Variants in CDH18 observed in about 807,000 individuals in gnomAD.
CDH18 encodes cadherin-18.
A neutral mutation model predicts 67.9 loss-of-function variants in CDH18; 31 were observed. The observed-to-expected ratio is 0.46, with a 90% CI of 0.34 to 0.62. The LOEUF (loss-of-function observed/expected upper bound fraction) is 0.62, where lower values mean the gene tolerates loss of function less well. Among genes scored for constraint, CDH18 ranks in the 20% least tolerant of loss-of-function variants. CDH18 has a pLI of 0.01. For missense variants in CDH18, 890 were observed against 975.5 expected, an observed-to-expected ratio of 0.91 and a Z score of 1.17; for synonymous variants, 362 against 347.2, an observed-to-expected ratio of 1.04 and a Z score of -0.48.
chr5:19,850,833 T>G (rs1399887859), intron 2 of CDH18, among the ~76,000 whole-genome samples: 2 of 151,946 alleles, frequency 1.3e-5, no homozygotes, highest in Admixed American at 6.6e-5. Flanking sequence ...TTTTACTATC[T>G]GAGAACTCAT....
chr5:20,412,458 A>T (rs369059193), intron 1 of CDH18, among the ~76,000 whole-genome samples: 1 of 152,234 alleles, frequency 6.6e-6, no homozygotes, highest in African/African-American at 2.4e-5. Flanking sequence ...AATAATTTGT[A>T]ACTAAAACCT....
chr5:20,021,389 C>A (rs117404479), intron 2 of CDH18, among the ~76,000 whole-genome samples: 1 of 151,860 alleles, frequency 6.6e-6, no homozygotes, highest in Admixed American at 6.6e-5. Flanking sequence ...TTGAGAGGGG[C>A]TAGAGGAGGA....
chr5:19,548,125 T>C (rs1219216767), intron 8 of CDH18, among the ~76,000 whole-genome samples: 1 of 152,088 alleles, frequency 6.6e-6, no homozygotes, highest in African/African-American at 2.4e-5. Context: ...TCATAAGCCC[T>C]AAGTAAAAAA....
At chr5:19,972,912 G>T (rs527746539) in intron 2 of CDH18, among the ~76,000 whole-genome samples, 3 of 151,640 alleles carry the variant, frequency 2.0e-5, no homozygotes, top group Admixed American at 6.6e-5. Flanking sequence ...TAAATATACC[G>T]TAAATTATCC....
At position 19,908,226 on chromosome 5, in the gene CDH18, G is replaced by A. The variant is rs367992248; in HGVS notation, c.-256-68984C>T. Among the ~76,000 whole-genome samples the A allele has an allele frequency of 2.1e-4, 32 of 152,188 alleles. No individual in the cohort carries two copies. The East Asian group carries it at 5.4e-3, about 26-fold the overall frequency. On this transcript the variant is annotated intron_variant, in intron 2 of 12. Transcript: ENST00000382275. The stretch of plus-strand genomic sequence containing the variant: ...GAACTAATATGATAACTCCTTCCAT[G>A]GAAAGTGAAGTTCAGGTACTTTTAT...
At chr5:19,777,107 C>G (rs1451348808) in intron 3 of CDH18, among the ~76,000 whole-genome samples, 6 of 152,084 alleles carry the variant, frequency 3.9e-5, no homozygotes, top group Admixed American at 3.9e-4. Flanking sequence ...TGGTAAAACC[C>G]TGTCTCTACT....
intron 3 of CDH18, among the ~76,000 whole-genome samples, chr5:19,812,238 C>T (rs1778812052): frequency 6.6e-6 from 1 of 151,734 alleles, no homozygotes; most frequent in Non-Finnish European, 1.5e-5. Flanking sequence ...AAATTGAAGC[C>T]AGGAAGAAGA....
At chr5:19,943,532 G>A (rs1362507433) in intron 2 of CDH18, among the ~76,000 whole-genome samples, 1 of 152,092 alleles carries the variant, frequency 6.6e-6, no homozygotes, top group East Asian at 1.9e-4. Context: ...TTGAATAACA[G>A]TCCTCTGATC....
chr5:20,093,465 C>T (rs957411258), intron 2 of CDH18, among the ~76,000 whole-genome samples: 9 of 151,670 alleles, frequency 5.9e-5, no homozygotes, highest in African/African-American at 2.2e-4. Flanking sequence ...GTTTAGAAGT[C>T]ACTTTAATAA....
In CDH18 at chr5:20,305,341, C is replaced by G. The variant is rs577474785; in HGVS notation, c.-579-49836G>C. The G allele has an allele frequency of 7.6e-5, 119 of 1,572,834 alleles. 1 individual carries two copies. The East Asian group carries it at 9.0e-4, about 12-fold the overall frequency. On this transcript the variant is annotated intron_variant, in intron 1 of 14. Coordinates refer to the CDH18 transcript ENST00000507958. ...TCTGCGCTTTGCTTTCTTTATGGCT[C>G]TATTCTTCAAGACTTCCTCACTGGC...
Position 19,599,638 on chromosome 5 carries a change from C to T in CDH18, c.812-8394G>A, listed in dbSNP as rs113399022. Among the ~76,000 whole-genome samples, 569 of 152,258 alleles carry T rather than the reference C, an allele frequency of 3.7e-3. 8 individuals are homozygous for T. The highest frequency in any genetic ancestry group is 0.013 in the African/African-American group (547 of 41,550). On this transcript the variant is annotated intron_variant, in intron 6 of 12. Transcript: ENST00000382275. ...ACAGAGCCGGCCAGGCGTGGTGGCT[C>T]ACGCCTATAATCCCAGCACTTTGGG...
At chr5:20,113,902 A>T (rs1208264424) in intron 2 of CDH18, among the ~76,000 whole-genome samples, 2 of 152,202 alleles carry the variant, frequency 1.3e-5, no homozygotes, top group Non-Finnish European at 2.9e-5. Flanking sequence ...ATAATTATAT[A>T]AAGACCATTT....
chr5:20,369,781 T>G (rs917109528), intron 1 of CDH18, among the ~76,000 whole-genome samples: 1 of 152,228 alleles, frequency 6.6e-6, no homozygotes, highest in African/African-American at 2.4e-5. Context: ...TGAAAATAAT[T>G]TGTTGTTAGA....
At chr5:19,551,959 C>T (rs557505261) in intron 8 of CDH18, among the ~76,000 whole-genome samples, 1 of 152,198 alleles carries the variant, frequency 6.6e-6, no homozygotes, top group East Asian at 1.9e-4. Context: ...TATTGCTTGG[C>T]CTCACAAGTG....
At chr5:20,528,292 C>T (rs1262838751) in intron 1 of CDH18, among the ~76,000 whole-genome samples, 1 of 152,010 alleles carries the variant, frequency 6.6e-6, no homozygotes, top group Non-Finnish European at 1.5e-5. Context: ...TAGACCACCA[C>T]ACAATAATAG....
intron 2 of CDH18, among the ~76,000 whole-genome samples, chr5:20,032,806 A>G (rs887188802): frequency 2.0e-5 from 3 of 152,018 alleles, no homozygotes; most frequent in Non-Finnish European, 4.4e-5. Context: ...GTTGTTGTTG[A>G]AACAGCTTTT....
At chr5:20,534,356 T>A (rs1187386427) in intron 1 of CDH18, among the ~76,000 whole-genome samples, 1 of 152,110 alleles carries the variant, frequency 6.6e-6, no homozygotes, top group African/African-American at 2.4e-5. Context: ...CTAATTTGAA[T>A]GTCTTGATAT....
chr5:20,123,812 C>CG (rs1748580605), intron 2 of CDH18, among the ~76,000 whole-genome samples: 1 of 149,254 alleles, frequency 6.7e-6, no homozygotes, highest in Admixed American at 6.7e-5. Flanking sequence ...GGCATGAACC[C>CG]GGAGGCGGAG....
chr5:20,215,098 A>G (rs2126409533), intron 2 of CDH18, among the ~76,000 whole-genome samples: 1 of 152,140 alleles, frequency 6.6e-6, no homozygotes, highest in East Asian at 1.9e-4. Flanking sequence ...GCTCAACATC[A>G]CTGAACATAG....
Sources: gnomAD v4.1 joint callset for allele counts (sites outside exome capture counted in the v4.1 genomes callset) on GRCh38, gnomAD v4.1.1 for gene constraint, MANE v1.5 for transcripts, NCBI Gene and HGNC (gene_info 2026-07-23, HGNC 2026-07-21) for gene names.